MDGA2: variants seen among roughly 807,000 people sequenced by gnomAD.
MDGA2 encodes MAM domain-containing glycosylphosphatidylinositol anchor protein 2.
Under a neutral mutation model 117.8 loss-of-function variants are expected in MDGA2, and 40 were observed. The observed-to-expected ratio is 0.34, with a 90% confidence interval of 0.26 to 0.44. MDGA2 has a LOEUF of 0.44. Ranked by LOEUF, MDGA2 falls within the 20% of genes least tolerant of loss-of-function variation. MDGA2 has a pLI of 1.00. For missense variants in MDGA2, 1,123 were observed against 1,250.6 expected (o/e 0.90, Z 1.54); for synonymous variants, 452 against 439.0 (o/e 1.03, Z -0.37).
At chr14:47,318,621 A>G (rs1169890263) in intron 1 of MDGA2, among the ~76,000 whole-genome samples, 1 of 152,174 alleles carries the variant, frequency 6.6e-6, no homozygotes, top group African/African-American at 2.4e-5. Flanking sequence ...TACAAGCAAG[A>G]ACGGCACCTG....
chr14:47,343,321 T>C, intron 1 of MDGA2: 1 of 1,056,006 alleles, frequency 9.5e-7, no homozygotes, highest in South Asian at 2.4e-5. Flanking sequence ...ACGCTGTGAG[T>C]CTATTATGAA....
chr14:46,945,681 C>T (rs746997712), intron 9 of MDGA2, among the ~76,000 whole-genome samples: 30 of 152,092 alleles, frequency 2.0e-4, no homozygotes, highest in Non-Finnish European at 4.1e-4. Context: ...TTGGAATCTA[C>T]CTTGCTATGC....
intron 1 of MDGA2, among the ~76,000 whole-genome samples, chr14:47,437,019 A>T (rs1456326154): frequency 6.6e-6 from 1 of 152,126 alleles, no homozygotes; most frequent in African/African-American, 2.4e-5. Flanking sequence ...CTCTAACACC[A>T]TACAAAAAGC....
At chr14:47,336,294 G>A (rs111465618) in intron 1 of MDGA2, among the ~76,000 whole-genome samples, 39 of 151,940 alleles carry the variant, frequency 2.6e-4, no homozygotes, top group African/African-American at 8.7e-4. Flanking sequence ...GCAGGGCAGC[G>A]GGGAGACTCT....
At chr14:47,134,879 C>T (rs142890758) in intron 4 of MDGA2, among the ~76,000 whole-genome samples, 3 of 151,602 alleles carry the variant, frequency 2.0e-5, no homozygotes, top group Non-Finnish European at 4.4e-5. Context: ...CTAAAAGCAA[C>T]CACGGAGTGA....
At chr14:47,665,794 GCCCCCTCCCTCGCCCCCCCTCC>G (rs1897938513) in intron 1 of MDGA2, among the ~76,000 whole-genome samples, 1 of 95,236 alleles carries the variant, frequency 1.1e-5, no homozygotes, top group Non-Finnish European at 2.1e-5. Context: ...CTAGCAGCCC[GCCCCCTCCCTCGCCCCCCCTCC>G]CCCCCGCCCC....
intron 10 of MDGA2, among the ~76,000 whole-genome samples, chr14:46,906,677 C>T (rs561484759): frequency 6.6e-6 from 1 of 152,130 alleles, no homozygotes; most frequent in East Asian, 1.9e-4. Flanking sequence ...GTTAATGTAT[C>T]CTTTATAATA....
At chr14:47,604,275 C>T (rs1896699922) in intron 1 of MDGA2, among the ~76,000 whole-genome samples, 1 of 151,874 alleles carries the variant, frequency 6.6e-6, no homozygotes, top group African/African-American at 2.4e-5. Flanking sequence ...TTTCTCTCCC[C>T]TCCACCACTC....
intron 5 of MDGA2, among the ~76,000 whole-genome samples, chr14:47,114,810 T>C (rs983336953): frequency 1.3e-5 from 2 of 151,950 alleles, no homozygotes; most frequent in African/African-American, 4.8e-5. Context: ...CCCCAAACTA[T>C]AAAAACCCTA....
chr14:47,080,446 T>A lies in MDGA2; in HGVS notation c.1195+16408A>T, dbSNP rs543695821. Reference sequence around the variant, plus strand: ...TCTTGAGATATATATGAGTTAGTTTTAAATTATTTTGTTATTAATAAATAT... The same window carrying A: ...TCTTGAGATATATATGAGTTAGTTTAAAATTATTTTGTTATTAATAAATAT... On this transcript the variant is annotated intron_variant, in intron 6 of 16. Transcript: ENST00000399232. Among the ~76,000 whole-genome samples, 7 of 152,308 alleles carry A rather than the reference T, an allele frequency of 4.6e-5. No individual in the cohort carries two copies. The East Asian group carries it at 1.2e-3, about 25-fold the overall frequency.
At chr14:47,371,685 A>G (rs574533529) in intron 1 of MDGA2, among the ~76,000 whole-genome samples, 26 of 151,846 alleles carry the variant, frequency 1.7e-4, no homozygotes, top group Admixed American at 1.6e-3. Flanking sequence ...TTCCAACTGT[A>G]AGAATAAGAG....
chr14:47,054,129 T>C (rs1889577944), intron 7 of MDGA2, among the ~76,000 whole-genome samples: 1 of 151,942 alleles, frequency 6.6e-6, no homozygotes. Flanking sequence ...TTCCTATCTA[T>C]CTGTCCAACT....
chr14:47,082,654 C>A (rs1340882991), intron 6 of MDGA2, among the ~76,000 whole-genome samples: 3 of 151,552 alleles, frequency 2.0e-5, no homozygotes, highest in Admixed American at 2.0e-4. Context: ...TAATCCTGAG[C>A]CGGTTTTTCA....
At chr14:47,533,797 C>A (rs1191409181) in intron 1 of MDGA2, among the ~76,000 whole-genome samples, 1 of 152,090 alleles carries the variant, frequency 6.6e-6, no homozygotes, top group African/African-American at 2.4e-5. Context: ...ATTTTATTAG[C>A]TCCAGAGTTT....
intron 1 of MDGA2, among the ~76,000 whole-genome samples, chr14:47,524,452 T>C (rs1258196741): frequency 6.6e-6 from 1 of 152,162 alleles, no homozygotes; most frequent in South Asian, 2.1e-4. Context: ...GATAAGAACA[T>C]TGAGGCTCCA....
At chr14:47,569,033 A>G (rs1013767740) in intron 1 of MDGA2, among the ~76,000 whole-genome samples, 1 of 151,886 alleles carries the variant, frequency 6.6e-6, no homozygotes, top group Admixed American at 6.6e-5. Context: ...CATTTTTGAT[A>G]TAAAATCGGC....
chr14:46,849,854 C>G (rs950026948), intron 15 of MDGA2, among the ~76,000 whole-genome samples: 3 of 151,422 alleles, frequency 2.0e-5, no homozygotes, highest in African/African-American at 7.3e-5. Flanking sequence ...TTTTCGTTTC[C>G]TCTTCAGTAC....
intron 3 of MDGA2, among the ~76,000 whole-genome samples, chr14:47,170,660 T>C (rs1346571636): frequency 6.6e-6 from 1 of 152,198 alleles, no homozygotes; most frequent in African/African-American, 2.4e-5. Flanking sequence ...AGAACTTTAA[T>C]GCATTATTAC....
chr14:47,655,185 A>T lies in MDGA2; in HGVS notation c.280+19332T>A, dbSNP rs138412560. ...TCAACCAAGTAGAAGCCCCAGTTGC[A>T]AGTGCTTGGCCAGTTGCAGTATCTT... On this transcript the variant is annotated intron_variant, in intron 1 of 16. Transcript: ENST00000399232. Among the ~76,000 whole-genome samples, 12 of 152,278 alleles carry T rather than the reference A, an allele frequency of 7.9e-5. No homozygotes were observed. In the East Asian group the frequency reaches 2.3e-3, roughly 29 times the overall value.
Sources: gnomAD v4.1 joint callset for allele counts (sites outside exome capture counted in the v4.1 genomes callset) on GRCh38, gnomAD v4.1.1 for gene constraint, MANE v1.5 for transcripts, NCBI Gene and HGNC (gene_info 2026-07-23, HGNC 2026-07-21) for gene names.